RANBP2: variants seen among roughly 807,000 people sequenced by gnomAD.
RANBP2 encodes RAN binding protein 2.
RANBP2 carries 57 observed loss-of-function variants against 303.6 expected under a neutral mutation model. The observed-to-expected ratio is 0.19, with a 90% CI of 0.15 to 0.23. The LOEUF (loss-of-function observed/expected upper bound fraction) is 0.23, where lower values mean the gene tolerates loss of function less well. Among genes scored for constraint, RANBP2 ranks in the 10% least tolerant of loss-of-function variants. The probability of loss-of-function intolerance (pLI) is 1.00; values close to 1 mark genes in which losing one functional copy is unlikely to be tolerated. For missense variants in RANBP2, 3,138 were observed against 3,780.8 expected (o/e 0.83, Z 4.46); for synonymous variants, 1,167 against 1,301.5 (o/e 0.90, Z 2.23).
the RANBP2 span, among the ~76,000 whole-genome samples, chr2:109,153,611 C>A: frequency 1.3e-5 from 2 of 152,230 alleles, no homozygotes; most frequent in African/African-American, 2.4e-5. Flanking sequence ...GTGGAAGCTG[C>A]CGCTGTGAAA....
the RANBP2 span, among the ~76,000 whole-genome samples, chr2:109,284,499 C>T: frequency 6.6e-6 from 1 of 152,196 alleles, no homozygotes; most frequent in Non-Finnish European, 1.5e-5. Context: ...ACTCTCCTCT[C>T]GTCCAGCCTT....
rs368527127 is a variant in RANBP2 at position 108,773,041 on chromosome 2, G to C, written c.8287G>C (p.Ala2763Pro). ...ATCAGAGCTTCAAAAAGTTCAGGAA[G>C]CTCAAGTAAGAACATCTCTAATAAA... Reference protein sequence around the residue: ...FQSELQKVQEAQKSQTEEITS... With the variant: ...FQSELQKVQEPQKSQTEEITS... The change falls in exon 23 of 29, where the codon GCT (alanine) becomes CCT (proline). Residue 2763 changes from alanine to proline, a missense_variant. Around this residue, in one of 20 missense-constraint regions of RANBP2, gnomAD observed 497 missense variants for 465.8 expected, o/e 1.07. Transcript: ENST00000283195. 3.7e-6 allele frequency: 6 copies of C among 1,609,652 alleles called. No homozygotes were observed. The highest frequency in any genetic ancestry group is 2.7e-5 in the African/African-American group (2 of 74,858).
At chr2:109,274,974 G>T in the RANBP2 span, among the ~76,000 whole-genome samples, 3 of 152,000 alleles carry the variant, frequency 2.0e-5, no homozygotes, top group African/African-American at 7.3e-5. Flanking sequence ...CCTGTTATAT[G>T]AATTTTGCAT....
rs914886716 is a variant in RANBP2 at position 108,719,984 on chromosome 2, C to T, written c.72+306C>T. ...CCCGGGCTTTCTGGCCGATCGCGCA[C>T]CCCGTAGTACCCGCGCGGCCTAGTT... On this transcript the variant is annotated intron_variant, in intron 1 of 28. Coordinates refer to ENST00000283195, the MANE Select transcript of RANBP2 (RefSeq NM_006267.5). 15 of 985,022 alleles carry T rather than the reference C, an allele frequency of 1.5e-5. No individual in the cohort carries two copies. In the African/African-American group the frequency reaches 2.1e-4, roughly 14 times the overall value. 61.0% of individuals were successfully genotyped at this position (985,022 alleles called of 1,614,324 possible).
At chr2:109,481,825 A>C in the RANBP2 span, among the ~76,000 whole-genome samples, 1 of 152,066 alleles carries the variant, frequency 6.6e-6, no homozygotes, top group Non-Finnish European at 1.5e-5. Context: ...GAGGAAGCCC[A>C]GAGGGGCAAG....
the RANBP2 span, among the ~76,000 whole-genome samples, chr2:108,942,288 A>G: frequency 6.6e-6 from 1 of 152,192 alleles, no homozygotes; most frequent in Non-Finnish European, 1.5e-5. Context: ...GAGGTGGGAG[A>G]GCCGAGGCAC....
the RANBP2 span, among the ~76,000 whole-genome samples, chr2:109,045,658 C>T: frequency 6.6e-6 from 1 of 152,124 alleles, no homozygotes; most frequent in African/African-American, 2.4e-5. Context: ...ATAAGGGTGG[C>T]GCTTGGCCTG....
the RANBP2 span, among the ~76,000 whole-genome samples, chr2:109,226,982 T>C: frequency 6.6e-6 from 1 of 152,162 alleles, no homozygotes; most frequent in African/African-American, 2.4e-5. Flanking sequence ...CATCAGGACT[T>C]GGTCTCTTTC....
At chr2:109,082,432 C>T in the RANBP2 span, among the ~76,000 whole-genome samples, 1 of 152,008 alleles carries the variant, frequency 6.6e-6, no homozygotes, top group Non-Finnish European at 1.5e-5. Flanking sequence ...TCCCGAGTAG[C>T]TGGGACTACA....
chr2:109,505,098 G>A, the RANBP2 span, among the ~76,000 whole-genome samples: 1 of 152,146 alleles, frequency 6.6e-6, no homozygotes, highest in Non-Finnish European at 1.5e-5. Context: ...CTGGCCCTTG[G>A]GGCGCCTGAG....
At chr2:108,781,523 T>G in intron 26 of RANBP2, 94 bp downstream of exon 26, 1 of 1,190,494 alleles carries the variant, frequency 8.4e-7, no homozygotes, top group Non-Finnish European at 1.2e-6. Context: ...TTGTTTGCAT[T>G]TAAGAATGTT....
the RANBP2 span, among the ~76,000 whole-genome samples, chr2:109,330,178 G>A: frequency 2.0e-5 from 3 of 152,254 alleles, no homozygotes; most frequent in South Asian, 6.2e-4. Flanking sequence ...TGGAAGGAAT[G>A]TCTTCTGCCC....
the RANBP2 span, among the ~76,000 whole-genome samples, chr2:109,117,056 C>T: frequency 1.3e-5 from 2 of 152,202 alleles, no homozygotes; most frequent in African/African-American, 4.8e-5. Flanking sequence ...GGGGTCCCTC[C>T]CAGTTAGGCT....
At chr2:108,872,818 C>T in the RANBP2 span, among the ~76,000 whole-genome samples, 1 of 152,192 alleles carries the variant, frequency 6.6e-6, no homozygotes, top group African/African-American at 2.4e-5. Context: ...AGCATTCTGC[C>T]TGCAGGCCCC....
chr2:109,155,156 T>C, the RANBP2 span, among the ~76,000 whole-genome samples: 1 of 152,194 alleles, frequency 6.6e-6, no homozygotes, highest in Non-Finnish European at 1.5e-5. Context: ...TGTTCGGTGG[T>C]GTTCGGCATT....
the RANBP2 span, among the ~76,000 whole-genome samples, chr2:109,189,968 GGT>G: frequency 1.3e-5 from 2 of 152,150 alleles, no homozygotes; most frequent in Non-Finnish European, 2.9e-5. Context: ...ATGTTCCCCT[GGT>G]GTTTCTCTAA....
At chr2:109,548,652 T>C in the RANBP2 span, among the ~76,000 whole-genome samples, 1 of 151,908 alleles carries the variant, frequency 6.6e-6, no homozygotes, top group Non-Finnish European at 1.5e-5. Context: ...AGTGTGCGCC[T>C]GTAGTCCCAG....
At chr2:109,548,419 C>G in the RANBP2 span, among the ~76,000 whole-genome samples, 3 of 152,110 alleles carry the variant, frequency 2.0e-5, no homozygotes, top group Non-Finnish European at 4.4e-5. Context: ...GGCGTGATGG[C>G]TCATTGAGGT....
chr2:108,804,990 T>C, the RANBP2 span: 2 of 1,540,614 alleles, frequency 1.3e-6, no homozygotes, highest in South Asian at 1.3e-5. Context: ...AAGAATTGAA[T>C]GATACCTTAA....
Sources: gnomAD v4.1 joint callset for allele counts (sites outside exome capture counted in the v4.1 genomes callset) on GRCh38, gnomAD v4.1.1 for gene constraint, gnomAD v4.1.1 regional missense constraint, MANE v1.5 for transcripts, NCBI Gene and HGNC (gene_info 2026-07-23, HGNC 2026-07-21) for gene names.